The following NCKAP5 variants were observed in gnomAD, a reference collection of about 807,000 sequenced individuals.
NCKAP5 encodes the protein NCK associated protein 5, also known as nck-associated protein 5.
A neutral mutation model predicts 167.0 loss-of-function variants in NCKAP5; 92 were observed. That is an observed-to-expected ratio of 0.55 (90% CI 0.47 to 0.66). The LOEUF (loss-of-function observed/expected upper bound fraction) is 0.66. NCKAP5 is among the 30% of genes least tolerant of loss of function. The probability of loss-of-function intolerance (pLI) is 0.00; values close to 1 mark genes in which losing one functional copy is unlikely to be tolerated. For missense variants in NCKAP5, 2,378 were observed against 2,315.0 expected (o/e 1.03, Z -0.56); for synonymous variants, 891 against 877.4 (o/e 1.02, Z -0.27).
chr2:133,142,592 C>T (rs896891335), intron 5 of NCKAP5, among the ~76,000 whole-genome samples: 3 of 152,118 alleles, frequency 2.0e-5, no homozygotes, highest in Non-Finnish European at 4.4e-5. Flanking sequence ...CTTTGTCAGA[C>T]TTGACTGAAC....
intron 4 of NCKAP5, among the ~76,000 whole-genome samples, chr2:133,231,925 G>C (rs953601167): frequency 2.6e-5 from 4 of 152,272 alleles, no homozygotes; most frequent in Non-Finnish European, 5.9e-5. Context: ...AAAGACATTT[G>C]CTAAAGCTTT....
chr2:133,105,001 C>T lies in NCKAP5; in HGVS notation c.341+24977G>A, dbSNP rs576721112. Among the ~76,000 whole-genome samples the T allele has an allele frequency of 2.0e-5, 3 of 152,336 alleles. No homozygotes were observed. The East Asian group carries it at 5.8e-4, about 29-fold the overall frequency. ...GCCATGCGCCTGCTCACACTCTCTC[C>T]CGCTAATAAGTAGCAGGCCTCCTCC... On this transcript the variant is annotated intron_variant, in intron 6 of 19. Coordinates refer to ENST00000409261, the MANE Select transcript of NCKAP5 (RefSeq NM_207363.3).
the NCKAP5 span, among the ~76,000 whole-genome samples, chr2:133,585,069 A>T: frequency 6.6e-6 from 1 of 152,136 alleles, no homozygotes; most frequent in African/African-American, 2.4e-5. Flanking sequence ...ACAAATTTTA[A>T]TTTTTCTGGG....
At chr2:132,924,975 T>C (rs1160441015) in intron 8 of NCKAP5, among the ~76,000 whole-genome samples, 1 of 152,054 alleles carries the variant, frequency 6.6e-6, no homozygotes, top group Non-Finnish European at 1.5e-5. Flanking sequence ...AATGGCACCT[T>C]GTGATTTAGA....
intron 3 of NCKAP5, among the ~76,000 whole-genome samples, chr2:133,514,739 C>G (rs1308681933): frequency 2.0e-5 from 3 of 151,968 alleles, no homozygotes; most frequent in African/African-American, 7.2e-5. Context: ...ATTCAGTTTC[C>G]CACAAGGACA....
At chr2:133,438,305 T>G (rs889508147) in intron 3 of NCKAP5, among the ~76,000 whole-genome samples, 2 of 152,236 alleles carry the variant, frequency 1.3e-5, no homozygotes, top group African/African-American at 4.8e-5. Flanking sequence ...ATTTACTTTT[T>G]TAGCTGGAAT....
intron 4 of NCKAP5, among the ~76,000 whole-genome samples, chr2:133,296,587 A>G (rs1195554792): frequency 6.6e-6 from 1 of 152,244 alleles, no homozygotes; most frequent in African/African-American, 2.4e-5. Context: ...ATCATTGCAT[A>G]ATATTTAAGT....
At chr2:133,019,620 C>T (rs1416431589) in intron 6 of NCKAP5, among the ~76,000 whole-genome samples, 1 of 152,186 alleles carries the variant, frequency 6.6e-6, no homozygotes, top group Non-Finnish European at 1.5e-5. Context: ...TAAGATTTGG[C>T]AGCTGGCATT....
intron 1 of NCKAP5, among the ~76,000 whole-genome samples, chr2:133,566,550 T>C (rs995997759): frequency 6.6e-5 from 10 of 152,182 alleles, no homozygotes; most frequent in African/African-American, 2.4e-4. Flanking sequence ...CAGACCACCT[T>C]CATCTGTACA....
chr2:133,466,658 C>T (rs1186584944), intron 3 of NCKAP5, among the ~76,000 whole-genome samples: 10 of 152,268 alleles, frequency 6.6e-5, no homozygotes, highest in East Asian at 3.9e-4. Flanking sequence ...AATGTTCTTC[C>T]GTTTGTTTGT....
At chr2:132,900,977 G>GAAAAAAAA (rs58885401) in intron 8 of NCKAP5, among the ~76,000 whole-genome samples, 9 of 98,662 alleles carry the variant, frequency 9.1e-5, no homozygotes, top group Non-Finnish European at 1.2e-4. Context: ...AAAAAAAAAA[G>GAAAAAAAA]AAAAAAAAAA....
At chr2:133,557,872 C>G (rs75112668) in intron 2 of NCKAP5, among the ~76,000 whole-genome samples, 1 of 152,180 alleles carries the variant, frequency 6.6e-6, no homozygotes, top group Non-Finnish European at 1.5e-5. Context: ...CAGCCCTGAG[C>G]CCACTGCCCT....
At chr2:133,523,726 A>G (rs571349701) in intron 2 of NCKAP5, among the ~76,000 whole-genome samples, 9 of 152,316 alleles carry the variant, frequency 5.9e-5, no homozygotes, top group African/African-American at 2.2e-4. Flanking sequence ...CCGAGAACAG[A>G]GACTGTGTCA....
At chr2:133,472,624 C>T in intron 3 of NCKAP5, among the ~76,000 whole-genome samples, 1 of 152,116 alleles carries the variant, frequency 6.6e-6, no homozygotes, top group East Asian at 1.9e-4. Context: ...CCCAAACATT[C>T]TGCAGGGTCC....
At chr2:133,079,093 T>C (rs1250317882) in intron 6 of NCKAP5, among the ~76,000 whole-genome samples, 2 of 152,128 alleles carry the variant, frequency 1.3e-5, no homozygotes, top group Non-Finnish European at 2.9e-5. Context: ...ACACCAGGGA[T>C]TTATTCAGCC....
chr2:132,787,522 T>TAAGA (rs1683687634), intron 13 of NCKAP5, among the ~76,000 whole-genome samples: 1 of 152,178 alleles, frequency 6.6e-6, no homozygotes, highest in Non-Finnish European at 1.5e-5. Context: ...GAATCTGGGC[T>TAAGA]TCTTAGTACA....
intron 5 of NCKAP5, among the ~76,000 whole-genome samples, chr2:133,198,179 A>G (rs1230266010): frequency 6.6e-6 from 1 of 152,174 alleles, no homozygotes; most frequent in Non-Finnish European, 1.5e-5. Context: ...GGGCAATAAT[A>G]AAAGTTATAG....
At chr2:133,604,458 G>A in the NCKAP5 span, among the ~76,000 whole-genome samples, 3 of 151,860 alleles carry the variant, frequency 2.0e-5, no homozygotes, top group Admixed American at 6.6e-5. Flanking sequence ...CACTTGCCTC[G>A]GCCTCCTAAA....
intron 16 of NCKAP5, among the ~76,000 whole-genome samples, chr2:132,754,204 T>C (rs1345236073): frequency 6.6e-6 from 1 of 152,226 alleles, no homozygotes; most frequent in East Asian, 1.9e-4. Flanking sequence ...CATGTTTTTA[T>C]TGGCTGGTTT....
Sources: allele counts gnomAD v4.1 joint callset (sites outside exome capture counted in the v4.1 genomes callset), GRCh38; gene constraint gnomAD v4.1.1; transcripts MANE v1.5; gene names NCBI Gene and HGNC (gene_info 2026-07-23, HGNC 2026-07-21).